CCDC60: variants seen among roughly 807,000 people sequenced by gnomAD.
The protein encoded by CCDC60 is coiled-coil domain-containing protein 60.
Under a neutral mutation model 63.5 loss-of-function variants are expected in CCDC60, and 54 were observed. The ratio of observed to expected loss-of-function variants is 0.85; its 90% CI spans 0.68 to 1.07. The LOEUF (loss-of-function observed/expected upper bound fraction) is 1.07, where lower values mean the gene tolerates loss of function less well. Among genes scored for constraint, CCDC60 ranks in the 50% least tolerant of loss-of-function variants. The probability of loss-of-function intolerance (pLI) is 0.00; values close to 1 mark genes in which losing one functional copy is unlikely to be tolerated. For synonymous variants in CCDC60, 206 were observed against 238.8 expected (o/e 0.86, Z 1.27); for missense variants, 651 against 684.3 (o/e 0.95, Z 0.54).
intron 1 of CCDC60, among the ~76,000 whole-genome samples, chr12:119,367,902 GT>G (rs34577765): frequency 5.2e-4 from 76 of 146,970 alleles, no homozygotes; most frequent in South Asian, 3.1e-3. Context: ...ATATAAAGGG[GT>G]TTTTTTTTTT....
chr12:119,349,127 G>A (rs1265937631), intron 1 of CCDC60, among the ~76,000 whole-genome samples: 2 of 152,106 alleles, frequency 1.3e-5, no homozygotes, highest in Non-Finnish European at 2.9e-5. Flanking sequence ...TAACCATTAT[G>A]CTGTATTTCT....
intron 12 of CCDC60, among the ~76,000 whole-genome samples, chr12:119,530,645 C>T (rs540099950): frequency 1.3e-5 from 2 of 152,302 alleles, no homozygotes; most frequent in South Asian, 4.1e-4. Flanking sequence ...CTTGAAATCA[C>T]ACCTTTGTTT....
intron 11 of CCDC60, among the ~76,000 whole-genome samples, chr12:119,526,413 G>A (rs947192263): frequency 1.3e-5 from 2 of 152,206 alleles, no homozygotes; most frequent in African/African-American, 2.4e-5. Flanking sequence ...ATTGACAAAT[G>A]GGATCTAATT....
chr12:119,476,492 T>C (rs567268685), intron 3 of CCDC60, among the ~76,000 whole-genome samples: 1 of 152,304 alleles, frequency 6.6e-6, no homozygotes, highest in East Asian at 1.9e-4. Flanking sequence ...CTAATTTTTG[T>C]TAACTCTGTG....
At chr12:119,462,271 T>C (rs1950869231) in intron 2 of CCDC60, among the ~76,000 whole-genome samples, 1 of 152,192 alleles carries the variant, frequency 6.6e-6, no homozygotes, top group African/African-American at 2.4e-5. Flanking sequence ...TACAGCTCCT[T>C]GAAAGAAGTC....
At chr12:119,470,764 G>A (rs986111220) in intron 2 of CCDC60, among the ~76,000 whole-genome samples, 5 of 151,980 alleles carry the variant, frequency 3.3e-5, no homozygotes, top group African/African-American at 1.2e-4. Flanking sequence ...TCTCAATTAG[G>A]TGCCCCCTTC....
At chr12:119,507,926 G>T (rs1952099905) in intron 7 of CCDC60, among the ~76,000 whole-genome samples, 1 of 151,930 alleles carries the variant, frequency 6.6e-6, no homozygotes, top group Non-Finnish European at 1.5e-5. Context: ...CCAATATTTT[G>T]GGAGGCCAAG....
At chr12:119,433,491 T>G (rs1328695138) in intron 2 of CCDC60, 1 of 702,344 alleles carries the variant, frequency 1.4e-6, no homozygotes, top group African/African-American at 1.7e-5. Flanking sequence ...TGGCCACACT[T>G]CTGGATCCCA....
chr12:119,490,245 C>T (rs979810579), intron 5 of CCDC60, among the ~76,000 whole-genome samples: 2 of 152,214 alleles, frequency 1.3e-5, no homozygotes, highest in African/African-American at 4.8e-5. Flanking sequence ...ATTGATAGAT[C>T]AGTAACTCCA....
intron 2 of CCDC60, among the ~76,000 whole-genome samples, chr12:119,437,769 C>A (rs751126116): frequency 6.6e-6 from 1 of 152,190 alleles, no homozygotes; most frequent in Non-Finnish European, 1.5e-5. Context: ...AGACTTGAGA[C>A]CTTGCCTCAA....
chr12:119,494,694 A>T (rs708877), intron 5 of CCDC60, among the ~76,000 whole-genome samples: 84,383 of 149,498 alleles, frequency 0.56, 23,965 homozygotes, highest in East Asian at 0.86. Flanking sequence ...TATGACACAA[A>T]CATCAGCCAG....
At chr12:119,373,245 A>C (rs1955916104) in intron 1 of CCDC60, among the ~76,000 whole-genome samples, 1 of 152,196 alleles carries the variant, frequency 6.6e-6, no homozygotes, top group Non-Finnish European at 1.5e-5. Flanking sequence ...TTACAGTCAT[A>C]AAATGCCTAG....
intron 1 of CCDC60, among the ~76,000 whole-genome samples, chr12:119,426,940 C>T (rs1956912290): frequency 6.6e-6 from 1 of 152,134 alleles, no homozygotes; most frequent in Admixed American, 6.6e-5. Context: ...GCACCATAGC[C>T]CAATTTCATT....
intron 2 of CCDC60, among the ~76,000 whole-genome samples, chr12:119,455,817 AAGG>A (rs968325804): frequency 2.4e-4 from 34 of 143,602 alleles, no homozygotes; most frequent in Non-Finnish European, 3.1e-4. Flanking sequence ...AGAAGAAGAA[AAGG>A]AGGAGGAAGG....
intron 2 of CCDC60, among the ~76,000 whole-genome samples, chr12:119,433,091 C>A (rs561014148): frequency 6.6e-6 from 1 of 152,274 alleles, no homozygotes; most frequent in East Asian, 1.9e-4. Flanking sequence ...AATATCTGCA[C>A]CACGGTGACA....
intron 2 of CCDC60, among the ~76,000 whole-genome samples, chr12:119,463,536 C>T (rs1179856852): frequency 6.6e-6 from 1 of 152,242 alleles, no homozygotes; most frequent in Non-Finnish European, 1.5e-5. Context: ...AACACAGAGT[C>T]ATTGTGAGGA....
chr12:119,448,289 T>C (rs1402893705), intron 2 of CCDC60, among the ~76,000 whole-genome samples: 1 of 152,120 alleles, frequency 6.6e-6, no homozygotes, highest in Non-Finnish European at 1.5e-5. Flanking sequence ...ATATCTTAAA[T>C]ATAAACAAAT....
chr12:119,456,042 A>AGAAAGAAG lies in CCDC60; in HGVS notation c.171-15945_171-15944insGGAAAGAA. 6.8e-6 allele frequency among the ~76,000 whole-genome samples: 1 copy of AGAAAGAAG among 147,362 alleles called. No individual in the cohort carries two copies. The highest frequency in any genetic ancestry group is 2.5e-5 in the African/African-American group (1 of 39,534). Reference sequence around the variant, plus strand: ...AAGAAAGAAAGAAAGAAAGAAAGAAAGAAAGAAAGAAAGAAAGAAAGCAAG... The same window carrying AGAAAGAAG: ...AAGAAAGAAAGAAAGAAAGAAAGAAAGAAAGAAGGAAAGAAAGAAAGAAAGAAAGCAAG... On this transcript the variant is annotated intron_variant, in intron 2 of 13. Transcript: ENST00000327554. This position sits in a 1 kb window ranked among gnomAD's most constrained non-coding sequence, Gnocchi z 4.6.
At chr12:119,358,195 T>G (rs1196286260) in intron 1 of CCDC60, among the ~76,000 whole-genome samples, 1 of 152,156 alleles carries the variant, frequency 6.6e-6, no homozygotes, top group South Asian at 2.1e-4. Flanking sequence ...GAGATTTGGG[T>G]GGGACACAGA....
Sources: allele counts gnomAD v4.1 joint callset (sites outside exome capture counted in the v4.1 genomes callset), GRCh38; gene constraint gnomAD v4.1.1; non-coding constraint Gnocchi (gnomAD v3.1); transcripts MANE v1.5; gene names NCBI Gene and HGNC (gene_info 2026-07-23, HGNC 2026-07-21).